The following PDZRN4 variants were observed in gnomAD, a reference collection of about 807,000 sequenced individuals.
The protein encoded by PDZRN4 is PDZ domain-containing RING finger protein 4.
In PDZRN4, 70 loss-of-function variants were observed where a neutral mutation model predicts 99.0. That is an observed-to-expected ratio of 0.71 (90% CI 0.58 to 0.86). The LOEUF is 0.86. Ranked by LOEUF, PDZRN4 falls within the 40% of genes least tolerant of loss-of-function variation. The pLI is 0.00. For synonymous variants in PDZRN4, 551 were observed against 501.6 expected, an observed-to-expected ratio of 1.10 and a Z score of -1.32; for missense variants, 1,474 against 1,331.2, an observed-to-expected ratio of 1.11 and a Z score of -1.67.
At chr12:41,346,900 G>A (rs1951858504) in intron 3 of PDZRN4, among the ~76,000 whole-genome samples, 1 of 152,130 alleles carries the variant, frequency 6.6e-6, no homozygotes, top group African/African-American at 2.4e-5. Flanking sequence ...GAATCATACA[G>A]TATATGGTTG....
intron 3 of PDZRN4, among the ~76,000 whole-genome samples, chr12:41,282,277 A>G (rs151108038): frequency 0.015 from 2,349 of 152,274 alleles, 23 homozygotes; most frequent in Middle Eastern, 0.034. Flanking sequence ...GACAAAGAAG[A>G]GCATTACATA....
intron 3 of PDZRN4, among the ~76,000 whole-genome samples, chr12:41,297,736 C>G (rs918181648): frequency 2.6e-5 from 4 of 152,164 alleles, no homozygotes; most frequent in African/African-American, 9.7e-5. Flanking sequence ...GAAAACAGCT[C>G]TCTATAACTT....
chr12:41,212,649 A>C lies in PDZRN4; in HGVS notation c.843+18461A>C, dbSNP rs955508332. Among the ~76,000 whole-genome samples the C allele has an allele frequency of 2.0e-5, 3 of 152,182 alleles. No individual in the cohort carries two copies. In the South Asian group the frequency reaches 6.2e-4, roughly 32 times the overall value. ...ACCTAAGACACTGGAATTATGGTAAAGTCATAGACACAAGTTAAATAATAA... is the reference window on the plus strand; with the variant it reads ...ACCTAAGACACTGGAATTATGGTAACGTCATAGACACAAGTTAAATAATAA... On this transcript the variant is annotated intron_variant, in intron 3 of 9. Transcript: ENST00000402685.
chr12:41,313,799 ATCATTT>A (rs1951622145), intron 3 of PDZRN4, among the ~76,000 whole-genome samples: 1 of 152,218 alleles, frequency 6.6e-6, no homozygotes, highest in Admixed American at 6.5e-5. Flanking sequence ...GTACAAAGTC[ATCATTT>A]AGTGATTTTT....
At chr12:41,483,983 T>C (rs1937726195) in intron 3 of PDZRN4, among the ~76,000 whole-genome samples, 1 of 152,170 alleles carries the variant, frequency 6.6e-6, no homozygotes, top group Non-Finnish European at 1.5e-5. Flanking sequence ...CTGGATTCCA[T>C]TCTGAAAAAA....
chr12:41,497,409 T>G (rs1192956100), intron 3 of PDZRN4, among the ~76,000 whole-genome samples: 1 of 152,108 alleles, frequency 6.6e-6, no homozygotes, highest in African/African-American at 2.4e-5. Flanking sequence ...CTGAATTCCT[T>G]GTTACGTTTT....
intron 5 of PDZRN4, among the ~76,000 whole-genome samples, chr12:41,512,247 C>T (rs1018164050): frequency 6.6e-6 from 1 of 152,082 alleles, no homozygotes; most frequent in African/African-American, 2.4e-5. Flanking sequence ...GATTAGGAAG[C>T]TCCTGCCCCA....
chr12:41,404,090 T>C (rs1478646463), intron 3 of PDZRN4, among the ~76,000 whole-genome samples: 1 of 152,200 alleles, frequency 6.6e-6, no homozygotes, highest in African/African-American at 2.4e-5. Flanking sequence ...AGAATACTTA[T>C]AATACCTAAT....
chr12:41,539,568 T>C (rs1208250172), intron 5 of PDZRN4, among the ~76,000 whole-genome samples: 1 of 152,044 alleles, frequency 6.6e-6, no homozygotes, highest in Admixed American at 6.6e-5. Context: ...CAGTATAAAA[T>C]AGCTTAGAAA....
chr12:41,328,950 T>A lies in PDZRN4; in HGVS notation c.843+134762T>A, dbSNP rs558404893. ...ACTCCAGGAAGCAGCTTTCACAGAGTTCACTAATGCCTTTTGTAACTTAAA... is the reference window on the plus strand; with the variant it reads ...ACTCCAGGAAGCAGCTTTCACAGAGATCACTAATGCCTTTTGTAACTTAAA... On this transcript the variant is annotated intron_variant, in intron 3 of 9. Transcript: ENST00000402685. 2.6e-5 allele frequency among the ~76,000 whole-genome samples: 4 copies of A among 152,198 alleles called. No individual in the cohort carries two copies. The South Asian group carries it at 8.3e-4, about 32-fold the overall frequency.
At chr12:41,218,975 T>C (rs1387719873) in intron 3 of PDZRN4, among the ~76,000 whole-genome samples, 1 of 152,086 alleles carries the variant, frequency 6.6e-6, no homozygotes, top group Non-Finnish European at 1.5e-5. Flanking sequence ...AGGAATATTA[T>C]TGTTCCTAAA....
intron 3 of PDZRN4, among the ~76,000 whole-genome samples, chr12:41,311,300 G>A (rs1337455618): frequency 3.3e-5 from 5 of 151,016 alleles, no homozygotes; most frequent in East Asian, 3.9e-4. Flanking sequence ...AAAAATCCCC[G>A]TTAAAGTCTT....
At chr12:41,409,877 A>T (rs1410150058) in intron 3 of PDZRN4, 1 of 152,168 alleles carries the variant, frequency 6.6e-6, no homozygotes, top group African/African-American at 2.4e-5. Context: ...GAGCAGCATG[A>T]CTACAGATTT....
chr12:41,295,968 CCTCA>C (rs1951490947), intron 3 of PDZRN4, among the ~76,000 whole-genome samples: 2 of 152,034 alleles, frequency 1.3e-5, no homozygotes, highest in African/African-American at 4.8e-5. Flanking sequence ...CCATCCATTT[CCTCA>C]AAAATTAAAT....
intron 3 of PDZRN4, among the ~76,000 whole-genome samples, chr12:41,265,826 C>T (rs940659629): frequency 1.3e-5 from 2 of 151,546 alleles, no homozygotes; most frequent in Admixed American, 6.6e-5. Flanking sequence ...ATCAGGGTAC[C>T]ATAAAAATAA....
rs959303348 is a variant in PDZRN4, at chr12:41,459,982, G to A, written c.844-46474G>A. On this transcript the variant is annotated intron_variant, in intron 3 of 9. Transcript: ENST00000402685. ...TGACTTGAACAATGCTATTCTGCAT[G>A]AAATTGAGAAATTGCCAGTGTTCCC... 2.1e-5 allele frequency: 27 copies of A among 1,287,936 alleles called. No individual in the cohort carries two copies. The South Asian group carries it at 2.2e-4, about 11-fold the overall frequency. 79.8% of individuals were successfully genotyped at this position (1,287,936 alleles called of 1,614,324 possible). A position where few individuals can be genotyped will look rare whatever the true frequency, so the allele number is the denominator to read the frequency against.
intron 3 of PDZRN4, among the ~76,000 whole-genome samples, chr12:41,282,195 A>G (rs1355851318): frequency 6.6e-6 from 1 of 152,192 alleles, no homozygotes; most frequent in Non-Finnish European, 1.5e-5. Flanking sequence ...ATGCAAATGG[A>G]AAGCAAAAAA....
chr12:41,485,886 C>A (rs529535069), intron 3 of PDZRN4, among the ~76,000 whole-genome samples: 1 of 151,958 alleles, frequency 6.6e-6, no homozygotes. Flanking sequence ...CAGAAATACA[C>A]CTAAAGGTAT....
intron 3 of PDZRN4, among the ~76,000 whole-genome samples, chr12:41,479,060 T>C (rs906241251): frequency 1.3e-5 from 2 of 152,218 alleles, no homozygotes; most frequent in Non-Finnish European, 2.9e-5. Context: ...GTTTTTTTTC[T>C]TGTTAATGAA....
Sources: allele counts gnomAD v4.1 joint callset (sites outside exome capture counted in the v4.1 genomes callset), GRCh38; gene constraint gnomAD v4.1.1; transcripts MANE v1.5; gene names NCBI Gene and HGNC (gene_info 2026-07-23, HGNC 2026-07-21).